Variants in TMEM97 observed in about 807,000 individuals in gnomAD.
TMEM97 encodes the protein sigma intracellular receptor 2.
TMEM97 carries 13 observed loss-of-function variants against 18.3 expected under a neutral mutation model. The observed-to-expected ratio is 0.71, with a 90% CI of 0.46 to 1.13. The LOEUF is 1.13. Ranked by LOEUF, TMEM97 falls within the 50% of genes most tolerant of loss-of-function variation. The pLI is 0.00. For missense variants in TMEM97, 205 were observed against 210.5 expected (o/e 0.97, Z 0.16); for synonymous variants, 76 against 85.3 (o/e 0.89, Z 0.60).
chr17:28,325,462 G>C, intron 1 of TMEM97, 41 bp from the exon 2 acceptor site: 2 of 1,608,532 alleles, frequency 1.2e-6, no homozygotes, highest in Non-Finnish European at 1.7e-6. Flanking sequence ...GCCTGTTGAG[G>C]GCAAGTGGCT....
rs2142152932 is a variant in TMEM97 at position 28,319,358 on chromosome 17, C to T, written c.119C>T (p.Pro40Leu). The T allele has an allele frequency of 2.5e-6, 4 of 1,599,676 alleles. No individual in the cohort carries two copies. Among genetic ancestry groups the T allele is most frequent in the African/African-American group, 1.4e-5 (1 of 73,814 alleles). The change falls in exon 1 of 3, where the codon CCA (proline) becomes CTA (leucine). Residue 40 changes from proline to leucine, a missense_variant. By Grantham distance (98) the Pro-to-Leu change is moderately conservative. Coordinates refer to ENST00000226230, the MANE Select transcript of TMEM97 (RefSeq NM_014573.3). ...GCGGTGCTGCCGCGCGAGCTCTACC[C>T]AGTCGAGGTGAGGGGCGCCCCTCTT... is the stretch of plus-strand genomic sequence containing the variant. ...LQAVLPRELY[P>L]VEFRNLLKWY...
At chr17:28,319,936 G>A (rs1227013456) in intron 1 of TMEM97, among the ~76,000 whole-genome samples, 1 of 152,164 alleles carries the variant, frequency 6.6e-6, no homozygotes, top group Non-Finnish European at 1.5e-5. Context: ...TATTGGGTTC[G>A]AGTAACAATG....
intron 1 of TMEM97, among the ~76,000 whole-genome samples, chr17:28,320,989 T>G (rs1295166814): frequency 3.3e-5 from 5 of 152,234 alleles, no homozygotes; most frequent in African/African-American, 1.2e-4. Flanking sequence ...AAGTCCCTTT[T>G]GCCAAATAAA....
In TMEM97 at chr17:28,328,535, C is replaced by G. The variant is rs116558075; in HGVS notation, c.*1742C>G. The G allele has an allele frequency of 4.3e-6, 3 of 704,158 alleles. No individual in the cohort carries two copies. In the East Asian group the frequency reaches 8.1e-5, roughly 19 times the overall value. 43.6% of individuals were successfully genotyped at this position (704,158 alleles called of 1,614,324 possible). On this transcript the variant is annotated 3_prime_UTR_variant, in exon 3 of 3. Transcript: ENST00000226230. Reference sequence around the variant, plus strand: ...TCTTCAGGGGGCTGCATTCCTTACACGCCACCTCTTGTGACATAGGTCATT... The same window carrying G: ...TCTTCAGGGGGCTGCATTCCTTACAGGCCACCTCTTGTGACATAGGTCATT...
chr17:28,326,654 GA>G lies in TMEM97; in HGVS notation c.393del (p.Gln132LysfsTer10), dbSNP rs1906353947. On this transcript the variant is annotated frameshift_variant, in exon 3 of 3. Coordinates refer to ENST00000226230, the MANE Select transcript of TMEM97 (RefSeq NM_014573.3). LOFTEE classifies it high-confidence loss of function. ...EDFSKASGFKGQRPETLHERL... is the reference protein window; with the variant it reads ...EDFSKASGFKXQRPETLHERL... ...TTCTCCAAAGCCAGTGGTTTCAAGG[GA>G]CAAAGACCTGAGACTTTGCATGAAC... 6.2e-7 allele frequency: 1 copy of G among 1,613,960 alleles called. No homozygotes were observed. The highest frequency in any genetic ancestry group is 1.3e-5 in the African/African-American group (1 of 74,868).
chr17:28,320,306 C>G (rs1227743906), intron 1 of TMEM97, among the ~76,000 whole-genome samples: 1 of 152,150 alleles, frequency 6.6e-6, no homozygotes, highest in African/African-American at 2.4e-5. Flanking sequence ...CTTTTGTTTC[C>G]TGCAAGGAGA....
intron 1 of TMEM97, among the ~76,000 whole-genome samples, chr17:28,323,826 C>G (rs1213291946): frequency 6.6e-6 from 1 of 152,072 alleles, no homozygotes; most frequent in Non-Finnish European, 1.5e-5. Context: ...GGCAATGTGG[C>G]AAAACCCCGT....
chr17:28,325,571 G>A lies in TMEM97; in HGVS notation c.195G>A (p.Trp65Ter), dbSNP rs1555575368. The change falls in exon 2 of 3, where the codon TGG (tryptophan) becomes TGA (stop). Residue 65 changes from tryptophan (W) to a stop codon, truncating the protein, a stop_gained. Transcript: ENST00000226230. LOFTEE classifies it high-confidence loss of function. ...KDPLLQEPPAWFKSFLFCELV... is the reference protein window; with the variant it reads ...KDPLLQEPPA Reference sequence around the variant, plus strand: ...CACTGCTACAGGAGCCCCCAGCCTGGTTTAAGTCCTTTCTGTTTTGCGAGC... The same window carrying A: ...CACTGCTACAGGAGCCCCCAGCCTGATTTAAGTCCTTTCTGTTTTGCGAGC... The A allele has an allele frequency of 6.2e-7, 1 of 1,614,190 alleles. No individual in the cohort carries two copies. Among genetic ancestry groups the A allele is most frequent in the Non-Finnish European group, 8.5e-7 (1 of 1,180,040 alleles).
Position 28,326,814 on chromosome 17 carries a change from G to A in TMEM97, c.*21G>A. 1 of 1,603,312 alleles carries A rather than the reference G, an allele frequency of 6.2e-7. No homozygotes were observed. Among genetic ancestry groups the A allele is most frequent in the East Asian group, 2.2e-5 (1 of 44,874 alleles). On this transcript the variant is annotated 3_prime_UTR_variant, in exon 3 of 3. Coordinates refer to ENST00000226230, the MANE Select transcript of TMEM97 (RefSeq NM_014573.3). ...AATGAAGGAAACAACCACTGGCCCA[G>A]GGTAGAGATGCCTACAGGGTGGTTG... is the stretch of plus-strand genomic sequence containing the variant.
Position 28,326,847 on chromosome 17 carries a change from GATACA to G in TMEM97, c.*61_*65del, listed in dbSNP as rs782212389. 4.4e-5 allele frequency: 69 copies of G among 1,569,794 alleles called. No individual in the cohort carries two copies. The highest frequency in any genetic ancestry group is 5.4e-5 in the Non-Finnish European group (63 of 1,166,210). Reference sequence around the variant, plus strand: ...ATGCCTACAGGGTGGTTGCTTGTTGGATACAATACAAGGAACACTGCTCAGAACCC... The same window carrying G: ...ATGCCTACAGGGTGGTTGCTTGTTGGATACAAGGAACACTGCTCAGAACCC... On this transcript the variant is annotated 3_prime_UTR_variant, in exon 3 of 3. Coordinates refer to ENST00000226230, the MANE Select transcript of TMEM97 (RefSeq NM_014573.3).
At position 28,326,853 on chromosome 17, in the gene TMEM97, A is replaced by G. The variant is rs1295756901; in HGVS notation, c.*60A>G. On this transcript the variant is annotated 3_prime_UTR_variant, in exon 3 of 3. Coordinates refer to ENST00000226230, the MANE Select transcript of TMEM97 (RefSeq NM_014573.3). ...ACAGGGTGGTTGCTTGTTGGATACA[A>G]TACAAGGAACACTGCTCAGAACCCA... The G allele has an allele frequency of 2.6e-5, 40 of 1,559,362 alleles. No individual in the cohort carries two copies. Among genetic ancestry groups the G allele is most frequent in the Non-Finnish European group, 3.2e-5 (37 of 1,160,330 alleles).
In TMEM97 at chr17:28,328,337, C is replaced by A; in HGVS notation, c.*1544C>A. 3.9e-6 allele frequency: 1 copy of A among 258,578 alleles called. No homozygotes were observed. The highest frequency in any genetic ancestry group is 6.4e-5 in the South Asian group (1 of 15,720). 16.0% of individuals were successfully genotyped at this position (258,578 alleles called of 1,614,324 possible). A position where few individuals can be genotyped will look rare whatever the true frequency, so the allele number is the denominator to read the frequency against. ...AAAGGTACATCAAGCCATTTGAAAA[C>A]AAAAATTTATTGCTTCTCCTTCCAA... On this transcript the variant is annotated 3_prime_UTR_variant, in exon 3 of 3. Transcript: ENST00000226230.
At chr17:28,322,635 T>C (rs1474604680) in intron 1 of TMEM97, among the ~76,000 whole-genome samples, 1 of 152,200 alleles carries the variant, frequency 6.6e-6, no homozygotes, top group African/African-American at 2.4e-5. Context: ...TGTAGTATCA[T>C]TTGCAGCTGG....
Position 28,326,799 on chromosome 17 carries a change from A to C in TMEM97, c.*6A>C. ...AGAAAAGAAAAAAAAAATGAAGGAA[A>C]CAACCACTGGCCCAGGGTAGAGATG... is the stretch of plus-strand genomic sequence containing the variant. On this transcript the variant is annotated 3_prime_UTR_variant, in exon 3 of 3. Transcript: ENST00000226230. The C allele has an allele frequency of 6.2e-7, 1 of 1,608,744 alleles. No homozygotes were observed. Among genetic ancestry groups the C allele is most frequent in the South Asian group, 1.1e-5 (1 of 90,870 alleles).
chr17:28,322,215 T>A (rs1353624084), intron 1 of TMEM97, among the ~76,000 whole-genome samples: 1 of 151,946 alleles, frequency 6.6e-6, no homozygotes, highest in Non-Finnish European at 1.5e-5. Flanking sequence ...GAAAAACTCA[T>A]TTTTTTATTT....
At chr17:28,324,020 T>C (rs1906245395) in intron 1 of TMEM97, among the ~76,000 whole-genome samples, 1 of 152,120 alleles carries the variant, frequency 6.6e-6, no homozygotes, top group Non-Finnish European at 1.5e-5. Flanking sequence ...AATTTTATAG[T>C]CAATCTTTTA....
Position 28,328,587 on chromosome 17 carries a change from GTT to G in TMEM97, c.*1800_*1801del. The G allele has an allele frequency of 9.8e-7, 1 of 1,021,446 alleles. No individual in the cohort carries two copies. The highest frequency in any genetic ancestry group is 1.5e-6 in the Non-Finnish European group (1 of 673,624). 63.3% of individuals were successfully genotyped at this position (1,021,446 alleles called of 1,614,324 possible). A position where few individuals can be genotyped will look rare whatever the true frequency, so the allele number is the denominator to read the frequency against. On this transcript the variant is annotated 3_prime_UTR_variant, in exon 3 of 3. Coordinates refer to ENST00000226230, the MANE Select transcript of TMEM97 (RefSeq NM_014573.3). ...GTCAAGCCGCTGGAATGCTACAGAG[GTT>G]TTTTTGGTTTTGAGAGGCTTTTTTT...
Position 28,326,886 on chromosome 17 carries a change from A to G in TMEM97, c.*93A>G. The G allele has an allele frequency of 1.4e-6, 2 of 1,445,458 alleles. No individual in the cohort carries two copies. Among genetic ancestry groups the G allele is most frequent in the Non-Finnish European group, 1.9e-6 (2 of 1,078,998 alleles). 89.5% of individuals were successfully genotyped at this position (1,445,458 alleles called of 1,614,324 possible). A position where few individuals can be genotyped will look rare whatever the true frequency, so the allele number is the denominator to read the frequency against. On this transcript the variant is annotated 3_prime_UTR_variant, in exon 3 of 3. Coordinates refer to ENST00000226230, the MANE Select transcript of TMEM97 (RefSeq NM_014573.3). ...AACACTGCTCAGAACCCACGTCTTC[A>G]GCAGCATTTGAAACACTGGCAGCAA...
At chr17:28,319,569 G>A (rs1906062463) in intron 1 of TMEM97, 3 of 543,500 alleles carry the variant, frequency 5.5e-6, no homozygotes, top group African/African-American at 3.9e-5. Flanking sequence ...CCCAAGCGGC[G>A]GGGGCGAACG....
Sources: allele counts gnomAD v4.1 joint callset (sites outside exome capture counted in the v4.1 genomes callset), GRCh38; gene constraint gnomAD v4.1.1; transcripts MANE v1.5; gene names NCBI Gene and HGNC (gene_info 2026-07-23, HGNC 2026-07-21).